The following STXBP6 variants were observed in gnomAD, a reference collection of about 807,000 sequenced individuals.
STXBP6 encodes the protein syntaxin binding protein 6.
Under a neutral mutation model 26.9 loss-of-function variants are expected in STXBP6, and 21 were observed. The ratio of observed to expected loss-of-function variants is 0.78; its 90% CI spans 0.55 to 1.12. STXBP6 has a LOEUF of 1.12. STXBP6 is among the 50% of genes most tolerant of loss of function. STXBP6 has a pLI of 0.00. For missense variants in STXBP6, 232 were observed against 257.9 expected (o/e 0.90, Z 0.69); for synonymous variants, 97 against 92.6 (o/e 1.05, Z -0.27).
At chr14:25,008,939 T>C (rs1368995782) in intron 1 of STXBP6, among the ~76,000 whole-genome samples, 4 of 152,180 alleles carry the variant, frequency 2.6e-5, no homozygotes, top group Non-Finnish European at 2.9e-5. Context: ...TCAAAAGGTT[T>C]AAGTTTTTTA....
chr14:24,946,068 A>G (rs1413453450), intron 2 of STXBP6, among the ~76,000 whole-genome samples: 2 of 152,232 alleles, frequency 1.3e-5, no homozygotes, highest in Non-Finnish European at 2.9e-5. Flanking sequence ...AAGATGTTGA[A>G]TATCTGAAAC....
intron 4 of STXBP6, among the ~76,000 whole-genome samples, chr14:24,841,034 A>AT (rs2068768161): frequency 6.6e-6 from 1 of 152,144 alleles, no homozygotes; most frequent in South Asian, 2.1e-4. Context: ...TTGGCAGTGT[A>AT]TTTTTACCAT....
chr14:24,887,514 G>A (rs1005133455), intron 2 of STXBP6, among the ~76,000 whole-genome samples: 4 of 152,130 alleles, frequency 2.6e-5, no homozygotes, highest in African/African-American at 9.7e-5. Flanking sequence ...GGCTTCCATT[G>A]AGCCATTACT....
At chr14:24,834,756 T>C (rs1465178277) in intron 4 of STXBP6, among the ~76,000 whole-genome samples, 1 of 152,110 alleles carries the variant, frequency 6.6e-6, no homozygotes, top group Non-Finnish European at 1.5e-5. Context: ...AGAAGAGTTT[T>C]AAGAGACACT....
At chr14:24,975,111 G>C (rs1376128783) in intron 1 of STXBP6, among the ~76,000 whole-genome samples, 1 of 152,078 alleles carries the variant, frequency 6.6e-6, no homozygotes, top group African/African-American at 2.4e-5. Context: ...GTACAAACTG[G>C]GATCTGGAAA....
At chr14:24,906,722 C>T (rs1337091648) in intron 2 of STXBP6, among the ~76,000 whole-genome samples, 4 of 152,116 alleles carry the variant, frequency 2.6e-5, no homozygotes, top group Admixed American at 1.3e-4. Flanking sequence ...GGCAATATTG[C>T]TAAGTCAAAT....
At chr14:24,977,423 A>G (rs542564497) in intron 1 of STXBP6, among the ~76,000 whole-genome samples, 103 of 151,182 alleles carry the variant, frequency 6.8e-4, no homozygotes, top group Non-Finnish European at 1.1e-3. Context: ...GACCAAGAAC[A>G]AGAGAGAGAG....
intron 4 of STXBP6, among the ~76,000 whole-genome samples, chr14:24,848,698 T>A (rs2069046026): frequency 1.3e-5 from 2 of 152,222 alleles, no homozygotes; most frequent in South Asian, 4.1e-4. Flanking sequence ...AAAAAAAAAT[T>A]GCATCTGTGA....
chr14:25,042,009 T>C (rs963575425), intron 1 of STXBP6, among the ~76,000 whole-genome samples: 4 of 152,200 alleles, frequency 2.6e-5, no homozygotes, highest in African/African-American at 4.8e-5. Flanking sequence ...GACTGGAAAC[T>C]AGTTTGATTT....
chr14:24,874,486 G>A (rs1248750151), intron 2 of STXBP6, among the ~76,000 whole-genome samples: 1 of 152,008 alleles, frequency 6.6e-6, no homozygotes, highest in African/African-American at 2.4e-5. Flanking sequence ...TCCCACCCAT[G>A]CCGTCTCAGC....
chr14:24,918,893 T>C (rs2071874262), intron 2 of STXBP6, among the ~76,000 whole-genome samples: 1 of 152,124 alleles, frequency 6.6e-6, no homozygotes, highest in Non-Finnish European at 1.5e-5. Flanking sequence ...CCCTACTTAC[T>C]GTACTGTGAA....
chr14:25,016,569 A>G (rs2075152381), intron 1 of STXBP6, among the ~76,000 whole-genome samples: 1 of 152,198 alleles, frequency 6.6e-6, no homozygotes, highest in Admixed American at 6.5e-5. Context: ...ATCCACGCCA[A>G]AAAGATCGTA....
intron 4 of STXBP6, among the ~76,000 whole-genome samples, chr14:24,833,303 C>T (rs756569758): frequency 6.6e-6 from 1 of 152,192 alleles, no homozygotes. Flanking sequence ...GTTCTGTTTC[C>T]CTGAGGTGGA....
chr14:25,022,712 C>T (rs1057248009), intron 1 of STXBP6, among the ~76,000 whole-genome samples: 3 of 152,150 alleles, frequency 2.0e-5, no homozygotes, highest in Non-Finnish European at 2.9e-5. Context: ...TCTCTAGTTC[C>T]AATCCTCCTT....
chr14:24,847,371 C>T (rs934238435), intron 4 of STXBP6, among the ~76,000 whole-genome samples: 1 of 152,114 alleles, frequency 6.6e-6, no homozygotes, highest in Non-Finnish European at 1.5e-5. Flanking sequence ...ATGTTTCTAA[C>T]TTAAGAACAG....
intron 2 of STXBP6, among the ~76,000 whole-genome samples, chr14:24,864,930 G>A (rs1012240017): frequency 2.0e-5 from 3 of 152,168 alleles, no homozygotes; most frequent in East Asian, 1.9e-4. Context: ...CTAAGAACCC[G>A]CCACCTTCTC....
chr14:24,811,400 A>G lies in STXBP6; in HGVS notation c.*1309T>C, dbSNP rs977308184. 13 of 152,172 alleles carry G rather than the reference A, an allele frequency of 8.5e-5. No individual in the cohort carries two copies. Among genetic ancestry groups the G allele is most frequent in the African/African-American group, 3.1e-4 (13 of 41,460 alleles). 9.4% of individuals were successfully genotyped at this position (152,172 alleles called of 1,614,324 possible). ...AATGCGCTGCAGTGGTAGGCTTACA[A>G]TGTGTCTGAGATGTGCAGCTTGTCT... On this transcript the variant is annotated 3_prime_UTR_variant, in exon 6 of 6. Coordinates refer to ENST00000323944, the MANE Select transcript of STXBP6 (RefSeq NM_001394410.1).
chr14:24,983,750 G>C (rs1353034167), intron 1 of STXBP6, among the ~76,000 whole-genome samples: 1 of 152,010 alleles, frequency 6.6e-6, no homozygotes, highest in East Asian at 1.9e-4. Context: ...TCAAGCTTTA[G>C]GTAAATTTTA....
At chr14:25,030,897 G>A (rs17185558) in intron 1 of STXBP6, among the ~76,000 whole-genome samples, 33,676 of 150,778 alleles carry the variant, frequency 0.22, 4,564 homozygotes, top group African/African-American at 0.38. Context: ...GACACATCCC[G>A]ATTTCCTTCA....
Sources: allele counts gnomAD v4.1 joint callset (sites outside exome capture counted in the v4.1 genomes callset), GRCh38; gene constraint gnomAD v4.1.1; transcripts MANE v1.5; gene names NCBI Gene and HGNC (gene_info 2026-07-23, HGNC 2026-07-21).